CD8A: variants seen among roughly 807,000 people sequenced by gnomAD.
CD8A encodes T-cell surface glycoprotein CD8 alpha chain.
CD8A carries 25 observed loss-of-function variants against 24.2 expected under a neutral mutation model. The observed-to-expected ratio is 1.03, with a 90% CI of 0.75 to 1.44. The LOEUF (loss-of-function observed/expected upper bound fraction) is 1.44, where lower values mean the gene tolerates loss of function less well. Ranked by LOEUF, CD8A falls within the 40% of genes most tolerant of loss-of-function variation. The pLI is 0.00. For synonymous variants in CD8A, 165 were observed against 149.9 expected (o/e 1.10, Z -0.74); for missense variants, 360 against 319.7 (o/e 1.13, Z -0.96).
At chr2:86,787,215 C>G (rs886441951) in intron 5 of CD8A, among the ~76,000 whole-genome samples, 5 of 150,546 alleles carry the variant, frequency 3.3e-5, no homozygotes. Context: ...CCTGAGTAGC[C>G]CGGATTATAG....
chr2:86,791,453 G>C, upstream of CD8A: 1 of 448,610 alleles, frequency 2.2e-6, no homozygotes, highest in Non-Finnish European at 4.5e-6. Flanking sequence ...TTGGGTGTCG[G>C]TGTCAGTGCG....
chr2:86,799,638 C>T (rs1673597112), intron 3 of CD8A, among the ~76,000 whole-genome samples: 1 of 152,160 alleles, frequency 6.6e-6, no homozygotes, highest in South Asian at 2.1e-4. Context: ...CGCCTGTAGT[C>T]CCAGCGACTC....
intron 2 of CD8A, among the ~76,000 whole-genome samples, chr2:86,789,951 G>A (rs568359447): frequency 6.6e-6 from 1 of 152,106 alleles, no homozygotes; most frequent in East Asian, 2.0e-4. Flanking sequence ...CGCACCCGGC[G>A]CCCAGAGCCG....
Position 86,789,440 on chromosome 2 carries a change from A to G in CD8A, c.515-7T>C. ...TCCAGCCCCCTCGTGTGCACTGACG[A>G]CACCAAAGACGCCGACATTTAGGAG... On this transcript the variant is annotated splice_region_variant and splice_polypyrimidine_tract_variant and intron_variant, in intron 3 of 5. Coordinates refer to ENST00000283635, the MANE Select transcript of CD8A (RefSeq NM_001768.7). 6.2e-7 allele frequency: 1 copy of G among 1,602,036 alleles called. No homozygotes were observed. Among genetic ancestry groups the G allele is most frequent in the South Asian group, 1.1e-5 (1 of 90,866 alleles).
At chr2:86,791,139 G>A (rs1485403638), upstream of CD8A, 1 of 628,060 alleles carries the variant, frequency 1.6e-6, no homozygotes, top group East Asian at 3.0e-5. Flanking sequence ...AATAGTCCTT[G>A]GAAATGGTTG....
In CD8A at chr2:86,790,851, G is replaced by T. The variant is rs1169130574; in HGVS notation, c.-26C>A. On this transcript the variant is annotated 5_prime_UTR_variant, in exon 1 of 6. Transcript: ENST00000283635. The stretch of plus-strand genomic sequence containing the variant: ...GACGCGCTCCCCAGGACGCTGCTTG[G>T]CTCGAAGCTCGGGCGCGAGGGGAGG... 3.3e-6 allele frequency: 5 copies of T among 1,537,270 alleles called. No homozygotes were observed. The highest frequency in any genetic ancestry group is 4.4e-6 in the Non-Finnish European group (5 of 1,146,256).
Position 86,784,680 on chromosome 2 carries a change from AC to A in CD8A, c.*1239del. On this transcript the variant is annotated 3_prime_UTR_variant, in exon 6 of 6. Coordinates refer to ENST00000283635, the MANE Select transcript of CD8A (RefSeq NM_001768.7). ...AAGCCACTCATAACAGCATAGTACA[AC>A]CCTATTTAAAAAAGAAAGACATATT... The A allele has an allele frequency of 2.2e-6, 1 of 446,192 alleles. No homozygotes were observed. The highest frequency in any genetic ancestry group is 4.5e-6 in the Non-Finnish European group (1 of 222,716). 27.6% of individuals were successfully genotyped at this position (446,192 alleles called of 1,614,324 possible). A position where few individuals can be genotyped will look rare whatever the true frequency, so the allele number is the denominator to read the frequency against.
upstream of CD8A, chr2:86,791,118 A>C: frequency 1.5e-6 from 1 of 670,852 alleles, no homozygotes; most frequent in East Asian, 2.8e-5. Context: ...GGATGAGGAA[A>C]AGGGCTTGGA....
intron 2 of CD8A, among the ~76,000 whole-genome samples, chr2:86,804,900 T>A (rs1020403505): frequency 6.6e-6 from 1 of 150,928 alleles, no homozygotes. Flanking sequence ...CCTCCTGGGC[T>A]TAAATGATTT....
At chr2:86,787,430 A>G (rs182678363) in intron 5 of CD8A, among the ~76,000 whole-genome samples, 21 of 152,310 alleles carry the variant, frequency 1.4e-4, no homozygotes, top group Admixed American at 1.0e-3. Context: ...ATCTACTGAA[A>G]AGAACTGGTG....
At chr2:86,788,581 G>A in intron 4 of CD8A, 21 bp from the exon 5 acceptor site, 1 of 1,609,128 alleles carries the variant, frequency 6.2e-7, no homozygotes, top group Non-Finnish European at 8.5e-7. Flanking sequence ...AAAAAGAAGG[G>A]AAAAAGTGAG....
chr2:86,803,756 C>G (rs1424059988), intron 2 of CD8A, among the ~76,000 whole-genome samples: 1 of 152,156 alleles, frequency 6.6e-6, no homozygotes, highest in East Asian at 1.9e-4. Flanking sequence ...GCCATGTTGG[C>G]CAGGCTGGTC....
intron 5 of CD8A, among the ~76,000 whole-genome samples, chr2:86,787,168 C>T (rs1169177334): frequency 6.8e-6 from 1 of 146,378 alleles, no homozygotes. Flanking sequence ...CTGCAACCTC[C>T]GCCTCCCACG....
chr2:86,804,484 GAGTT>G (rs1488301149), intron 2 of CD8A, among the ~76,000 whole-genome samples: 6 of 152,202 alleles, frequency 3.9e-5, no homozygotes, highest in Admixed American at 2.6e-4. Context: ...TAGATGAAAA[GAGTT>G]AGAGAGAAGG....
chr2:86,790,696 C>T lies in CD8A; in HGVS notation c.50-15G>A. On this transcript the variant is annotated splice_polypyrimidine_tract_variant and intron_variant, in intron 1 of 5. Transcript: ENST00000283635. ...CCTGGCGGCGTCTGCAGGCGGCAAGCAGCGAGGCTGAGCCCGCAGTCCCGC... is the reference window on the plus strand; with the variant it reads ...CCTGGCGGCGTCTGCAGGCGGCAAGTAGCGAGGCTGAGCCCGCAGTCCCGC... 6.3e-7 allele frequency: 1 copy of T among 1,592,714 alleles called. No individual in the cohort carries two copies. The highest frequency in any genetic ancestry group is 8.5e-7 in the Non-Finnish European group (1 of 1,176,854).
intron 3 of CD8A, among the ~76,000 whole-genome samples, chr2:86,800,284 C>A (rs1309705456): frequency 6.6e-6 from 1 of 151,296 alleles, no homozygotes; most frequent in African/African-American, 2.4e-5. Context: ...ATGGTGAAAC[C>A]CCGTCTCTAC....
intron 2 of CD8A, among the ~76,000 whole-genome samples, chr2:86,805,718 A>T (rs1377913349): frequency 1.3e-5 from 2 of 151,836 alleles, no homozygotes; most frequent in African/African-American, 2.4e-5. Context: ...TAAAATACGA[A>T]TTTTTTTGAT....
chr2:86,788,839 T>A (rs940390331), intron 4 of CD8A, among the ~76,000 whole-genome samples: 1 of 152,208 alleles, frequency 6.6e-6, no homozygotes, highest in South Asian at 2.1e-4. Context: ...TTAAAAAAAA[T>A]TGCAACTACA....
At position 86,788,542 on chromosome 2, in the gene CD8A, C is replaced by T. The variant is rs775080990; in HGVS notation, c.644G>A (p.Cys215Tyr). ...AAAAGAGACTCACCGGGGACATTTG[C>T]AAACACGTCTTCGGTTCCCTGGATA... ...YCNHRNRRRVCKCPRPVVKSG... is the reference protein window; with the variant it reads ...YCNHRNRRRVYKCPRPVVKSG... The change falls in exon 5 of 6, where the codon TGC becomes TAC. Residue 215 changes from cysteine (C) to tyrosine (Y), a missense_variant. By Grantham distance (194) the Cys-to-Tyr change is radical. Coordinates refer to ENST00000283635, the MANE Select transcript of CD8A (RefSeq NM_001768.7). 1 of 1,613,362 alleles carries T rather than the reference C, an allele frequency of 6.2e-7. No individual in the cohort carries two copies. The highest frequency in any genetic ancestry group is 1.1e-5 in the South Asian group (1 of 90,892).
Sources: gnomAD v4.1 joint callset for allele counts (sites outside exome capture counted in the v4.1 genomes callset) on GRCh38, gnomAD v4.1.1 for gene constraint, MANE v1.5 for transcripts, NCBI Gene and HGNC (gene_info 2026-07-23, HGNC 2026-07-21) for gene names.